RGS9: variants seen among roughly 807,000 people sequenced by gnomAD.
RGS9 encodes the protein regulator of G protein signaling 9.
A neutral mutation model predicts 102.0 loss-of-function variants in RGS9; 78 were observed. The observed-to-expected ratio is 0.76, with a 90% CI of 0.64 to 0.92. RGS9 has a LOEUF of 0.92. Among genes scored for constraint, RGS9 ranks in the 40% least tolerant of loss-of-function variants. RGS9 has a pLI of 0.00. For missense variants in RGS9, 833 were observed against 866.1 expected, an observed-to-expected ratio of 0.96 and a Z score of 0.48; for synonymous variants, 353 against 318.6, an observed-to-expected ratio of 1.11 and a Z score of -1.15.
intron 9 of RGS9, 91 bp from the exon 10 acceptor site, chr17:65,189,195 C>T (rs1912257532): frequency 4.5e-6 from 5 of 1,117,948 alleles, no homozygotes; most frequent in African/African-American, 3.1e-5. Flanking sequence ...GCATTTTTCT[C>T]ATGGGGAAGG....
intron 1 of RGS9, among the ~76,000 whole-genome samples, chr17:65,142,195 G>A (rs2143948563): frequency 6.6e-6 from 1 of 152,304 alleles, no homozygotes; most frequent in Non-Finnish European, 1.5e-5. Flanking sequence ...AGTGAGCTGA[G>A]ATCATGCCAC....
chr17:65,162,948 G>A, intron 6 of RGS9, 65 bp from the exon 7 acceptor site: 1 of 878,488 alleles, frequency 1.1e-6, no homozygotes, highest in Non-Finnish European at 1.9e-6. Context: ...CTTAGAGTTT[G>A]TTGCCCTGCG....
rs565110876 is a variant in RGS9, at chr17:65,157,803, C to T, written c.155-492C>T. Among the ~76,000 whole-genome samples the T allele has an allele frequency of 3.9e-4, 60 of 152,058 alleles. 3 individuals are homozygous for T. In the South Asian group the frequency reaches 5.4e-3, roughly 14 times the overall value. ...CTGGGAACTTGGGGAGTTGGAGAGC[C>T]GGCCCCAGCCCTCAGCCTGTCCTCT... is the stretch of plus-strand genomic sequence containing the variant. On this transcript the variant is annotated intron_variant, in intron 2 of 18. Transcript: ENST00000262406.
In RGS9 at chr17:65,186,114, AC is replaced by A. The variant is rs532843826; in HGVS notation, c.655-3171del. On this transcript the variant is annotated intron_variant, in intron 9 of 18. Transcript: ENST00000262406. The stretch of plus-strand genomic sequence containing the variant: ...GTGTTAAGGACAGAGTGTTTCTGGT[AC>A]TTGTATTTTGTCTTGCGTTACGGCT... Among the ~76,000 whole-genome samples, 953 of 152,192 alleles carry A rather than the reference AC, an allele frequency of 6.3e-3. 10 individuals carry two copies. The highest frequency in any genetic ancestry group is 0.021 in the African/African-American group (876 of 41,490).
At chr17:65,214,283 CT>C (rs915735039) in intron 17 of RGS9, among the ~76,000 whole-genome samples, 1 of 152,148 alleles carries the variant, frequency 6.6e-6, no homozygotes. Context: ...TTTTAAAGAC[CT>C]TTTTTGTGTA....
At chr17:65,161,696 ATTTT>A (rs1305284147) in intron 6 of RGS9, among the ~76,000 whole-genome samples, 2 of 149,800 alleles carry the variant, frequency 1.3e-5, no homozygotes, top group African/African-American at 4.9e-5. Context: ...CTGTGTTTTT[ATTTT>A]TATTTATATA....
intron 13 of RGS9, among the ~76,000 whole-genome samples, chr17:65,199,565 C>T (rs1251770659): frequency 7.3e-6 from 1 of 137,818 alleles, no homozygotes; most frequent in East Asian, 2.3e-4. Context: ...GTGATCTCAT[C>T]TCACTGCAAC....
At chr17:65,172,851 G>C (rs887573881) in intron 8 of RGS9, among the ~76,000 whole-genome samples, 2 of 152,160 alleles carry the variant, frequency 1.3e-5, no homozygotes, top group African/African-American at 2.4e-5. Flanking sequence ...TCTAGGAGCT[G>C]ACTTTCCTAA....
rs371526173 is a variant in RGS9, at chr17:65,137,611, C to T, written c.57+14C>T. 3 of 1,613,468 alleles carry T rather than the reference C, an allele frequency of 1.9e-6. No homozygotes were observed. The highest frequency in any genetic ancestry group is 2.7e-5 in the African/African-American group (2 of 74,954). ...TTTCTCCAAAAGGTAACCCTGGCCC[C>T]TCACCTGGACCCTGGGAGGAGGGCG... On this transcript the variant is annotated intron_variant, in intron 1 of 18. Transcript: ENST00000262406.
chr17:65,213,152 G>A (rs910794505), intron 17 of RGS9, among the ~76,000 whole-genome samples: 2 of 142,908 alleles, frequency 1.4e-5, no homozygotes, highest in Admixed American at 6.6e-5. Flanking sequence ...TGTGAATTCC[G>A]ACTGGGAACC....
At chr17:65,217,019 C>T (rs944115115) in intron 17 of RGS9, among the ~76,000 whole-genome samples, 7 of 151,910 alleles carry the variant, frequency 4.6e-5, no homozygotes, top group Non-Finnish European at 1.0e-4. Context: ...GAAGCTTGGA[C>T]GAGGCCACAT....
chr17:65,222,318 C>A (rs8065444), intron 17 of RGS9, among the ~76,000 whole-genome samples: 9,250 of 152,260 alleles, frequency 0.061, 932 homozygotes, highest in African/African-American at 0.21. Context: ...GCTCCTGTGA[C>A]CAGCTGGAGC....
chr17:65,138,378 G>A (rs1173646904), intron 1 of RGS9, among the ~76,000 whole-genome samples: 1 of 152,092 alleles, frequency 6.6e-6, no homozygotes, highest in Non-Finnish European at 1.5e-5. Flanking sequence ...ATCTTCTTAG[G>A]CTTATCTTGT....
chr17:65,207,290 G>T (rs111855182), intron 15 of RGS9, among the ~76,000 whole-genome samples: 1 of 152,174 alleles, frequency 6.6e-6, no homozygotes, highest in African/African-American at 2.4e-5. Context: ...TCTCATGCTG[G>T]CTTCACTGAA....
intron 8 of RGS9, among the ~76,000 whole-genome samples, chr17:65,177,237 C>G (rs1337655907): frequency 2.0e-5 from 3 of 151,654 alleles, no homozygotes; most frequent in Non-Finnish European, 2.9e-5. Flanking sequence ...TTTACCTATT[C>G]ATTCATCCAT....
intron 1 of RGS9, among the ~76,000 whole-genome samples, chr17:65,143,134 C>T (rs1910219991): frequency 6.6e-6 from 1 of 152,012 alleles, no homozygotes; most frequent in African/African-American, 2.4e-5. Flanking sequence ...GGACATTTGG[C>T]AATGTCTAAA....
In RGS9 at chr17:65,227,673, C is replaced by G; in HGVS notation, c.*266C>G. The stretch of plus-strand genomic sequence containing the variant: ...AAGACTTTCCCTGCTGCCTTAAAAC[C>G]AATAAAAGGTTAACTTTAAGTTTCT... On this transcript the variant is annotated 3_prime_UTR_variant, in exon 19 of 19. Coordinates refer to ENST00000262406, the MANE Select transcript of RGS9 (RefSeq NM_003835.4). 5.9e-6 allele frequency: 3 copies of G among 510,914 alleles called. No individual in the cohort carries two copies. The highest frequency in any genetic ancestry group is 7.1e-6 in the Non-Finnish European group (2 of 280,900). 31.6% of individuals were successfully genotyped at this position (510,914 alleles called of 1,614,324 possible).
chr17:65,225,290 C>A lies in RGS9; in HGVS notation c.1696C>A (p.Pro566Thr), dbSNP rs745787640. Reference protein sequence around the residue: ...SSEASLDTSWPRSRPRAPPKA... With the variant: ...SSEASLDTSWTRSRPRAPPKA... The stretch of plus-strand genomic sequence containing the variant: ...CGAGGCCTCCCTCGACACCTCCTGG[C>A]CTCGCAGCCGGCCCAGGGCCCCTCC... The change falls in exon 18 of 19, where the codon CCT becomes ACT. Residue 566 changes from proline (P) to threonine (T), a missense_variant. By Grantham distance (38) the Pro-to-Thr change is conservative. Coordinates refer to ENST00000262406, the MANE Select transcript of RGS9 (RefSeq NM_003835.4). The A allele has an allele frequency of 8.7e-6, 14 of 1,608,902 alleles. No homozygotes were observed. The highest frequency in any genetic ancestry group is 1.7e-5 in the Admixed American group (1 of 60,002).
chr17:65,204,149 C>T lies in RGS9; in HGVS notation c.1065-14C>T. 1 of 1,612,292 alleles carries T rather than the reference C, an allele frequency of 6.2e-7. No homozygotes were observed. On this transcript the variant is annotated splice_polypyrimidine_tract_variant and intron_variant, in intron 14 of 18. Coordinates refer to ENST00000262406, the MANE Select transcript of RGS9 (RefSeq NM_003835.4). The stretch of plus-strand genomic sequence containing the variant: ...GGTTTAGTTACTTTTGCTAACATCT[C>T]CCTCCCACCCCAGGCTGTTCCTGGC...
Sources: gnomAD v4.1 joint callset for allele counts (sites outside exome capture counted in the v4.1 genomes callset) on GRCh38, gnomAD v4.1.1 for gene constraint, MANE v1.5 for transcripts, NCBI Gene and HGNC (gene_info 2026-07-23, HGNC 2026-07-21) for gene names.